MAGI2: variants seen among roughly 807,000 people sequenced by gnomAD.
MAGI2 encodes the protein membrane-associated guanylate kinase, WW and PDZ domain-containing protein 2.
MAGI2 carries 35 observed loss-of-function variants against 133.3 expected under a neutral mutation model. The ratio of observed to expected loss-of-function variants is 0.26; its 90% CI spans 0.20 to 0.35. The LOEUF (loss-of-function observed/expected upper bound fraction) is 0.35, where lower values mean the gene tolerates loss of function less well. Among genes scored for constraint, MAGI2 ranks in the 10% least tolerant of loss-of-function variants. The pLI, the probability that MAGI2 is intolerant of heterozygous loss-of-function variation, is 1.00. For synonymous variants in MAGI2, 729 were observed against 710.6 expected, an observed-to-expected ratio of 1.03 and a Z score of -0.41; for missense variants, 1,636 against 1,863.4, an observed-to-expected ratio of 0.88 and a Z score of 2.25.
intron 2 of MAGI2, among the ~76,000 whole-genome samples, chr7:78,836,515 C>T (rs1020013142): frequency 1.3e-5 from 2 of 152,008 alleles, no homozygotes; most frequent in African/African-American, 2.4e-5. Flanking sequence ...TACTGAGTAG[C>T]GAAGTTCAGA....
intron 9 of MAGI2, among the ~76,000 whole-genome samples, chr7:78,293,795 T>A (rs1796960055): frequency 6.6e-6 from 1 of 152,178 alleles, no homozygotes; most frequent in South Asian, 2.1e-4. Context: ...GGGACATGGA[T>A]GAAGCTGGAA....
intron 1 of MAGI2, among the ~76,000 whole-genome samples, chr7:79,217,796 T>C (rs762830899): frequency 6.6e-6 from 1 of 152,018 alleles, no homozygotes; most frequent in Non-Finnish European, 1.5e-5. Context: ...GGAATTAAAT[T>C]ACATTTTGGG....
intron 6 of MAGI2, among the ~76,000 whole-genome samples, chr7:78,478,612 G>T (rs1472842127): frequency 7.0e-6 from 1 of 143,122 alleles, no homozygotes; most frequent in Non-Finnish European, 1.5e-5. Context: ...TTAGACATCT[G>T]GTTCCAAACA....
chr7:78,733,647 A>G (rs1309831396), intron 2 of MAGI2, among the ~76,000 whole-genome samples: 4 of 152,210 alleles, frequency 2.6e-5, no homozygotes, highest in African/African-American at 9.6e-5. Context: ...TACAGCATTT[A>G]CATTCTAGTA....
At chr7:78,789,728 A>C (rs1827113405) in intron 2 of MAGI2, among the ~76,000 whole-genome samples, 1 of 152,196 alleles carries the variant, frequency 6.6e-6, no homozygotes, top group Non-Finnish European at 1.5e-5. Context: ...GTAATTGTTA[A>C]ATGGACAATA....
At chr7:78,219,876 T>C (rs1010340759) in intron 10 of MAGI2, among the ~76,000 whole-genome samples, 1 of 152,232 alleles carries the variant, frequency 6.6e-6, no homozygotes, top group African/African-American at 2.4e-5. Context: ...TATAGTACTG[T>C]AAATGACTTC....
intron 2 of MAGI2, among the ~76,000 whole-genome samples, chr7:78,962,973 T>C (rs1164518265): frequency 6.6e-6 from 1 of 152,116 alleles, no homozygotes; most frequent in Non-Finnish European, 1.5e-5. Context: ...CCTAGAAAAC[T>C]TTAACTGTTT....
chr7:78,509,640 C>T (rs1795400330), intron 4 of MAGI2, among the ~76,000 whole-genome samples: 2 of 152,118 alleles, frequency 1.3e-5, no homozygotes, highest in South Asian at 2.1e-4. Context: ...TTGTTTATTG[C>T]CCTGCCAGTA....
In MAGI2 at chr7:79,089,574, A is replaced by T. The variant is rs1816865124; in HGVS notation, c.302-82368T>A. 2.0e-5 allele frequency among the ~76,000 whole-genome samples: 3 copies of T among 152,152 alleles called. No homozygotes were observed. In the South Asian group the frequency reaches 6.2e-4, roughly 32 times the overall value. On this transcript the variant is annotated intron_variant, in intron 1 of 21. Coordinates refer to ENST00000354212, the MANE Select transcript of MAGI2 (RefSeq NM_012301.4). ...CGACCCAAATGTCCATCAAAAAAAAAGACTGGATAAAGAAAATGTGGCACA... is the reference window on the plus strand; with the variant it reads ...CGACCCAAATGTCCATCAAAAAAAATGACTGGATAAAGAAAATGTGGCACA...
chr7:78,669,247 C>G (rs530588045), intron 2 of MAGI2, among the ~76,000 whole-genome samples: 1 of 151,822 alleles, frequency 6.6e-6, no homozygotes, highest in Non-Finnish European at 1.5e-5. Flanking sequence ...ATATCACCAC[C>G]GATCCCACAG....
chr7:78,630,440 G>T (rs749636101), intron 2 of MAGI2, among the ~76,000 whole-genome samples: 4 of 123,390 alleles, frequency 3.2e-5, no homozygotes, highest in Non-Finnish European at 6.5e-5. Flanking sequence ...TTTTGAGACA[G>T]AGTCTTGCTC....
At chr7:78,411,410 G>C (rs959790064) in intron 6 of MAGI2, among the ~76,000 whole-genome samples, 2 of 152,004 alleles carry the variant, frequency 1.3e-5, no homozygotes, top group Non-Finnish European at 2.9e-5. Flanking sequence ...TCAAATGCAA[G>C]AATAAACTTT....
chr7:79,093,714 C>CTTTTTTTTTTTTTTTT (rs369075503), intron 1 of MAGI2, among the ~76,000 whole-genome samples: 1 of 113,304 alleles, frequency 8.8e-6, no homozygotes, highest in Non-Finnish European at 1.8e-5. Context: ...CTTTTCTTTT[C>CTTTTTTTTTTTTTTTT]TTTTTTTTTT....
At chr7:78,576,319 A>G (rs937847178) in intron 3 of MAGI2, among the ~76,000 whole-genome samples, 2 of 152,152 alleles carry the variant, frequency 1.3e-5, no homozygotes, top group Admixed American at 6.5e-5. Context: ...TGTGACATGC[A>G]CAATCTACCA....
chr7:78,104,227 AG>A (rs1818451843), intron 20 of MAGI2, among the ~76,000 whole-genome samples: 1 of 152,030 alleles, frequency 6.6e-6, no homozygotes, highest in African/African-American at 2.4e-5. Flanking sequence ...GGATGGGGAG[AG>A]GGGCTGTTCA....
intron 1 of MAGI2, among the ~76,000 whole-genome samples, chr7:79,023,789 T>C (rs1020736298): frequency 2.6e-5 from 4 of 151,894 alleles, no homozygotes; most frequent in Admixed American, 6.6e-5. Flanking sequence ...AGTGGTGAAA[T>C]ATTTCTACAA....
intron 9 of MAGI2, among the ~76,000 whole-genome samples, chr7:78,342,782 G>A (rs765691387): frequency 6.8e-4 from 104 of 152,120 alleles, no homozygotes; most frequent in Non-Finnish European, 1.3e-3. Context: ...ACACAGGGAG[G>A]AGAACATCAC....
rs190332714 is a variant in MAGI2, at chr7:78,266,398, T to C, written c.1409-9817A>G. Among the ~76,000 whole-genome samples the C allele has an allele frequency of 2.7e-4, 41 of 152,036 alleles. No individual in the cohort carries two copies. In the East Asian group the frequency reaches 4.1e-3, roughly 15 times the overall value. ...GTATATTTTGGTAGAGATGGGAGTT[T>C]TGTCATGTTGCCCAGGCTGGTCTTG... On this transcript the variant is annotated intron_variant, in intron 9 of 21. Transcript: ENST00000354212.
chr7:79,043,577 CA>C (rs1236274717), intron 1 of MAGI2, among the ~76,000 whole-genome samples: 1 of 127,318 alleles, frequency 7.9e-6, no homozygotes, highest in Non-Finnish European at 1.7e-5. Context: ...AATTGAGACA[CA>C]AAAAACCATA....
Sources: allele counts gnomAD v4.1 joint callset (sites outside exome capture counted in the v4.1 genomes callset), GRCh38; gene constraint gnomAD v4.1.1; transcripts MANE v1.5; gene names NCBI Gene and HGNC (gene_info 2026-07-23, HGNC 2026-07-21).